The following NCKAP5 variants were observed in gnomAD, a reference collection of about 807,000 sequenced individuals.
NCKAP5 encodes the protein nck-associated protein 5.
Under a neutral mutation model 167.0 loss-of-function variants are expected in NCKAP5, and 92 were observed. That is an observed-to-expected ratio of 0.55 (90% CI 0.47 to 0.66). The LOEUF (loss-of-function observed/expected upper bound fraction) is 0.66. Ranked by LOEUF, NCKAP5 falls within the 30% of genes least tolerant of loss-of-function variation. NCKAP5 has a pLI of 0.00. For synonymous variants in NCKAP5, 891 were observed against 877.4 expected (o/e 1.02, Z -0.27); for missense variants, 2,378 against 2,315.0 (o/e 1.03, Z -0.56).
chr2:132,925,735 C>A (rs960649203), intron 8 of NCKAP5, among the ~76,000 whole-genome samples: 3 of 151,938 alleles, frequency 2.0e-5, no homozygotes, highest in Non-Finnish European at 4.4e-5. Context: ...GGGTTGGGGA[C>A]CCCTGTTTTG....
chr2:132,795,254 G>C (rs572071227), intron 12 of NCKAP5, among the ~76,000 whole-genome samples: 13 of 152,174 alleles, frequency 8.5e-5, no homozygotes, highest in Admixed American at 3.9e-4. Context: ...AGCTCCCAGA[G>C]ATACACAGAA....
intron 11 of NCKAP5, among the ~76,000 whole-genome samples, chr2:132,810,871 G>C (rs1198301731): frequency 6.6e-6 from 1 of 152,138 alleles, no homozygotes; most frequent in East Asian, 1.9e-4. Flanking sequence ...TACCAGGGTT[G>C]GTTTTCTGGT....
In NCKAP5 at chr2:133,318,863, C is replaced by T. The variant is rs963726312; in HGVS notation, c.70-15753G>A. 3.9e-5 allele frequency among the ~76,000 whole-genome samples: 6 copies of T among 152,132 alleles called. No homozygotes were observed. The East Asian group carries it at 1.2e-3, about 29-fold the overall frequency. On this transcript the variant is annotated intron_variant, in intron 3 of 19. Transcript: ENST00000409261. ...GGTACCCTTAGCCTCCACTGAACAC[C>T]CACTTCACAAAGACACATTATCCTG... is the stretch of plus-strand genomic sequence containing the variant.
At chr2:133,521,603 G>A (rs2104774023) in intron 2 of NCKAP5, among the ~76,000 whole-genome samples, 1 of 152,294 alleles carries the variant, frequency 6.6e-6, no homozygotes, top group Middle Eastern at 3.4e-3. Context: ...TCCTTGTCTT[G>A]CAGATGGACA....
intron 6 of NCKAP5, among the ~76,000 whole-genome samples, chr2:133,058,028 C>T (rs1319027463): frequency 6.6e-6 from 1 of 152,142 alleles, no homozygotes; most frequent in Admixed American, 6.5e-5. Context: ...CTGCCTCTGG[C>T]TCTATAGATG....
At chr2:133,664,532 G>T in the NCKAP5 span, among the ~76,000 whole-genome samples, 1 of 152,100 alleles carries the variant, frequency 6.6e-6, no homozygotes, top group South Asian at 2.1e-4. Context: ...ACAGAGTCTC[G>T]CTCTGTTGCC....
chr2:133,252,522 A>C (rs1348846368), intron 4 of NCKAP5, among the ~76,000 whole-genome samples: 1 of 152,204 alleles, frequency 6.6e-6, no homozygotes, highest in Non-Finnish European at 1.5e-5. Flanking sequence ...AGGGACTGTC[A>C]GATCAGACCA....
chr2:133,360,017 TATA>T (rs1408530530), intron 3 of NCKAP5, among the ~76,000 whole-genome samples: 1 of 152,200 alleles, frequency 6.6e-6, no homozygotes, highest in African/African-American at 2.4e-5. Flanking sequence ...TATCACACCA[TATA>T]ACAAAGTCAT....
At chr2:133,567,700 T>TGTGTG (rs1553444010) in intron 1 of NCKAP5, among the ~76,000 whole-genome samples, 1 of 137,270 alleles carries the variant, frequency 7.3e-6, no homozygotes, top group Non-Finnish European at 1.6e-5. Context: ...TGTGTGTGTG[T>TGTGTG]TTGGGGAGAG....
chr2:133,544,942 A>G (rs887116209), intron 2 of NCKAP5, among the ~76,000 whole-genome samples: 18 of 152,202 alleles, frequency 1.2e-4, no homozygotes, highest in African/African-American at 3.4e-4. Flanking sequence ...ACTCTGATCA[A>G]TATCATTAAC....
chr2:132,816,917 T>C (rs1686321890), intron 11 of NCKAP5, among the ~76,000 whole-genome samples: 1 of 152,200 alleles, frequency 6.6e-6, no homozygotes, highest in South Asian at 2.1e-4. Context: ...CTCTCAAAGA[T>C]ACAAATAAAT....
chr2:132,781,752 A>G (rs894035681), intron 14 of NCKAP5, among the ~76,000 whole-genome samples, 188 bp downstream of exon 14: 3 of 152,222 alleles, frequency 2.0e-5, no homozygotes, highest in Admixed American at 2.0e-4. Context: ...GGACTAAATG[A>G]TCATTTTATT....
chr2:133,604,582 T>C, the NCKAP5 span, among the ~76,000 whole-genome samples: 1 of 152,040 alleles, frequency 6.6e-6, no homozygotes, highest in Non-Finnish European at 1.5e-5. Flanking sequence ...CTTACTGTAC[T>C]TGTTATCACC....
chr2:133,653,481 C>A, the NCKAP5 span, among the ~76,000 whole-genome samples: 1 of 152,140 alleles, frequency 6.6e-6, no homozygotes, highest in Non-Finnish European at 1.5e-5. Flanking sequence ...AACCCATCAC[C>A]CCTTTTATAA....
At chr2:133,248,886 T>C (rs534636925) in intron 4 of NCKAP5, among the ~76,000 whole-genome samples, 2 of 152,338 alleles carry the variant, frequency 1.3e-5, no homozygotes, top group East Asian at 3.9e-4. Flanking sequence ...TATCACATCT[T>C]ATCCTGAGAA....
intron 5 of NCKAP5, among the ~76,000 whole-genome samples, chr2:133,164,349 A>G (rs2083918157): frequency 6.6e-6 from 1 of 152,212 alleles, no homozygotes; most frequent in South Asian, 2.1e-4. Context: ...GGTAAAAACG[A>G]GCTCTGGAGT....
At chr2:133,195,713 A>T (rs944523334) in intron 5 of NCKAP5, among the ~76,000 whole-genome samples, 2 of 152,216 alleles carry the variant, frequency 1.3e-5, no homozygotes, top group South Asian at 2.1e-4. Context: ...CAGAAAAAAA[A>T]TTGTGACAAA....
At chr2:133,485,884 T>C (rs1223871483) in intron 3 of NCKAP5, among the ~76,000 whole-genome samples, 1 of 152,152 alleles carries the variant, frequency 6.6e-6, no homozygotes, top group East Asian at 1.9e-4. Context: ...TTTGGGTCAG[T>C]TGCATAGATG....
Position 132,790,107 on chromosome 2 carries a change from A to C in NCKAP5, c.1008T>G (p.Ser336Arg). The C allele has an allele frequency of 6.2e-7, 1 of 1,613,486 alleles. No individual in the cohort carries two copies. Among genetic ancestry groups the C allele is most frequent in the Non-Finnish European group, 8.5e-7 (1 of 1,179,716 alleles). ...TGCAGGTGCTTGAAAGAGACAGTTC[A>C]CTGCTGCTACTGTAGCTGTTTCGAG... is the stretch of plus-strand genomic sequence containing the variant. ...LCPRNSYSSS[S>R]ELSLSSTCSE... Residue 336 changes from serine to arginine, a missense_variant, in exon 13 of 20, where the codon AGT (serine) becomes AGG (arginine). Coordinates refer to ENST00000409261, the MANE Select transcript of NCKAP5 (RefSeq NM_207363.3).
Sources: allele counts gnomAD v4.1 joint callset (sites outside exome capture counted in the v4.1 genomes callset), GRCh38; gene constraint gnomAD v4.1.1; transcripts MANE v1.5; gene names NCBI Gene and HGNC (gene_info 2026-07-23, HGNC 2026-07-21).